The following PRKN variants were observed in gnomAD, a reference collection of about 807,000 sequenced individuals.
PRKN encodes parkin RBR E3 ubiquitin protein ligase.
Under a neutral mutation model 59.5 loss-of-function variants are expected in PRKN, and 56 were observed. The ratio of observed to expected loss-of-function variants is 0.94; its 90% CI spans 0.76 to 1.18. The LOEUF (loss-of-function observed/expected upper bound fraction) is 1.18. Among genes scored for constraint, PRKN ranks in the 50% most tolerant of loss-of-function variants. The pLI is 0.00. For synonymous variants in PRKN, 250 were observed against 222.1 expected (o/e 1.13, Z -1.12); for missense variants, 657 against 596.4 (o/e 1.10, Z -1.06).
At chr6:161,641,934 T>G (rs1283992873) in intron 7 of PRKN, among the ~76,000 whole-genome samples, 1 of 152,218 alleles carries the variant, frequency 6.6e-6, no homozygotes, top group Non-Finnish European at 1.5e-5. Context: ...CCAACAATGT[T>G]GAAGTTTCTG....
At chr6:161,707,193 T>A (rs13208987) in intron 7 of PRKN, among the ~76,000 whole-genome samples, 61,342 of 151,952 alleles carry the variant, frequency 0.4, 13,068 homozygotes, top group Admixed American at 0.6. Context: ...CCCTTGGAAA[T>A]GTGGTTACTT....
At chr6:161,928,616 T>G (rs1411937880) in intron 6 of PRKN, among the ~76,000 whole-genome samples, 3 of 152,190 alleles carry the variant, frequency 2.0e-5, no homozygotes, top group Non-Finnish European at 4.4e-5. Flanking sequence ...ATATAACATA[T>G]AACAAGATAC....
At chr6:161,520,213 A>C (rs944248282) in intron 9 of PRKN, among the ~76,000 whole-genome samples, 1 of 143,788 alleles carries the variant, frequency 7.0e-6, no homozygotes, top group Non-Finnish European at 1.5e-5. Context: ...TCTATGCTCA[A>C]ATCTCTCTAT....
chr6:161,855,018 G>C (rs577224132), intron 6 of PRKN, among the ~76,000 whole-genome samples: 6 of 150,502 alleles, frequency 4.0e-5, no homozygotes, highest in Non-Finnish European at 8.9e-5. Flanking sequence ...AGGAGGTGGA[G>C]GTTGCAGTGA....
intron 1 of PRKN, among the ~76,000 whole-genome samples, chr6:162,499,745 C>G (rs1006846888): frequency 6.6e-6 from 1 of 152,158 alleles, no homozygotes; most frequent in Non-Finnish European, 1.5e-5. Flanking sequence ...TAATGTGTCT[C>G]TAGCCGAGAG....
intron 1 of PRKN, among the ~76,000 whole-genome samples, chr6:162,521,453 A>C (rs950830622): frequency 6.6e-6 from 1 of 152,148 alleles, no homozygotes; most frequent in Non-Finnish European, 1.5e-5. Context: ...GGCTTATTCA[A>C]ACTACTGTGA....
intron 9 of PRKN, among the ~76,000 whole-genome samples, chr6:161,508,366 T>C (rs1038249239): frequency 1.3e-5 from 2 of 152,222 alleles, no homozygotes; most frequent in African/African-American, 2.4e-5. Flanking sequence ...CAGAACAAGA[T>C]ATAAAACTCC....
At chr6:162,393,691 G>A (rs774571815) in intron 2 of PRKN, among the ~76,000 whole-genome samples, 37 of 152,146 alleles carry the variant, frequency 2.4e-4, no homozygotes, top group Admixed American at 5.9e-4. Flanking sequence ...ATTGTGGTAA[G>A]AGTAAATAAT....
At chr6:162,386,654 C>T (rs1398216043) in intron 2 of PRKN, among the ~76,000 whole-genome samples, 2 of 152,196 alleles carry the variant, frequency 1.3e-5, no homozygotes, top group East Asian at 3.9e-4. Flanking sequence ...TCCGCCCCAG[C>T]CTGTCTGTGA....
At chr6:162,107,324 G>C (rs941136342) in intron 4 of PRKN, among the ~76,000 whole-genome samples, 19 of 152,156 alleles carry the variant, frequency 1.2e-4, no homozygotes, top group Non-Finnish European at 2.5e-4. Flanking sequence ...AATTAGCCGG[G>C]CATGGCGGCA....
chr6:162,093,193 T>G (rs1039040338), intron 4 of PRKN, among the ~76,000 whole-genome samples: 1 of 152,168 alleles, frequency 6.6e-6, no homozygotes, highest in African/African-American at 2.4e-5. Context: ...ATTAAATCCT[T>G]CCAGATAGCC....
rs536722583 is a variant in PRKN, at chr6:161,498,012, T to C, written c.1083+50842A>G. On this transcript the variant is annotated intron_variant, in intron 9 of 11. Coordinates refer to ENST00000366898, the MANE Select transcript of PRKN (RefSeq NM_004562.3). This position sits in a 1 kb window ranked among gnomAD's most constrained non-coding sequence, Gnocchi z 4.2. ...AACCTTTGCTTCCATGAGGGGATATTTGTTCTTCAATAGATGGGTCTAATT... is the reference window on the plus strand; with the variant it reads ...AACCTTTGCTTCCATGAGGGGATATCTGTTCTTCAATAGATGGGTCTAATT... Among the ~76,000 whole-genome samples the C allele has an allele frequency of 1.3e-4, 20 of 152,328 alleles. No homozygotes were observed. The highest frequency in any genetic ancestry group is 2.2e-4 in the Non-Finnish European group (15 of 68,028).
chr6:161,616,752 A>C (rs79850139), intron 7 of PRKN, among the ~76,000 whole-genome samples: 6,811 of 152,134 alleles, frequency 0.045, 241 homozygotes, highest in Admixed American at 0.085. Context: ...CACCCCCTTA[A>C]GGCTGCAAAG....
intron 7 of PRKN, among the ~76,000 whole-genome samples, chr6:161,620,355 G>T (rs575714096): frequency 6.6e-6 from 1 of 151,950 alleles, no homozygotes. Flanking sequence ...TGACTCCCAC[G>T]CTGTACAGCC....
chr6:161,974,922 A>G (rs1415168966), intron 5 of PRKN, among the ~76,000 whole-genome samples: 1 of 152,172 alleles, frequency 6.6e-6, no homozygotes, highest in Non-Finnish European at 1.5e-5. Context: ...CATAAGCAGT[A>G]TGCAAATGAA....
At chr6:161,797,604 C>A (rs1385143124) in intron 6 of PRKN, among the ~76,000 whole-genome samples, 1 of 152,130 alleles carries the variant, frequency 6.6e-6, no homozygotes, top group Non-Finnish European at 1.5e-5. Flanking sequence ...ATTTAAAAAT[C>A]AGGTTGTCTG....
At chr6:162,605,797 C>G (rs1781891159) in intron 1 of PRKN, among the ~76,000 whole-genome samples, 1 of 152,120 alleles carries the variant, frequency 6.6e-6, no homozygotes, top group South Asian at 2.1e-4. Context: ...AAACATTTTA[C>G]AATGTCTAGT....
Position 161,390,651 on chromosome 6 carries a change from G to C in PRKN, c.1084-3774C>G, listed in dbSNP as rs376786673. Among the ~76,000 whole-genome samples, 12 of 151,998 alleles carry C rather than the reference G, an allele frequency of 7.9e-5. No individual in the cohort carries two copies. Among genetic ancestry groups the C allele is most frequent in the African/African-American group, 2.7e-4 (11 of 41,348 alleles). Reference sequence around the variant, plus strand: ...CTACAGGCGCCTGCCACCACGCCCGGCTAATTTTTGTATTTTTAGTAAAGA... The same window carrying C: ...CTACAGGCGCCTGCCACCACGCCCGCCTAATTTTTGTATTTTTAGTAAAGA... On this transcript the variant is annotated intron_variant, in intron 9 of 11. Coordinates refer to ENST00000366898, the MANE Select transcript of PRKN (RefSeq NM_004562.3). This position sits in a 1 kb window ranked among gnomAD's most constrained non-coding sequence, Gnocchi z 7.0.
intron 1 of PRKN, among the ~76,000 whole-genome samples, chr6:162,616,533 C>T (rs1156503538): frequency 6.6e-6 from 1 of 151,920 alleles, no homozygotes; most frequent in African/African-American, 2.4e-5. Flanking sequence ...TACAATGATA[C>T]CCCCCCGTAA....
Sources: allele counts gnomAD v4.1 joint callset (sites outside exome capture counted in the v4.1 genomes callset), GRCh38; gene constraint gnomAD v4.1.1; non-coding constraint Gnocchi (gnomAD v3.1); transcripts MANE v1.5; gene names NCBI Gene and HGNC (gene_info 2026-07-23, HGNC 2026-07-21).